Variants in ABL2 observed in about 807,000 individuals in gnomAD.
ABL2 encodes the protein tyrosine-protein kinase ABL2.
ABL2 carries 49 observed loss-of-function variants against 107.7 expected under a neutral mutation model. That is an observed-to-expected ratio of 0.45 (90% confidence interval 0.36 to 0.58). ABL2 has a LOEUF of 0.58. ABL2 is among the 20% of genes least tolerant of loss of function. The pLI is 0.00. For missense variants in ABL2, 1,245 were observed against 1,457.0 expected (o/e 0.85, Z 2.37); for synonymous variants, 549 against 548.6 (o/e 1.00, Z -0.01).
intron 1 of ABL2, chr1:179,143,220 T>C: frequency 2.4e-6 from 2 of 818,172 alleles, no homozygotes; most frequent in Non-Finnish European, 3.4e-6. Flanking sequence ...GAGAGTGACC[T>C]AAAGGAAAAT....
At chr1:179,174,430 G>T (rs751711861) in intron 1 of ABL2, among the ~76,000 whole-genome samples, 42 of 151,384 alleles carry the variant, frequency 2.8e-4, no homozygotes, top group Admixed American at 1.7e-3. Context: ...CCAACATGGA[G>T]AAACTCCATC....
At chr1:179,118,857 C>T in intron 6 of ABL2, 93 bp from the exon 7 acceptor site, 1 of 1,349,666 alleles carries the variant, frequency 7.4e-7, no homozygotes, top group Non-Finnish European at 1.0e-6. Flanking sequence ...TTTTTCAGGT[C>T]TAGTTCGGCA....
chr1:179,135,424 C>T (rs1260471647), intron 1 of ABL2, among the ~76,000 whole-genome samples: 8 of 151,414 alleles, frequency 5.3e-5, no homozygotes, highest in African/African-American at 1.7e-4. Context: ...CCGGCCGCCC[C>T]GTCTGAGAAG....
At chr1:179,211,289 G>A (rs2793806) in intron 1 of ABL2, among the ~76,000 whole-genome samples, 45,798 of 151,936 alleles carry the variant, frequency 0.3, 7,798 homozygotes, top group East Asian at 0.43. Context: ...AGGCTGAGGC[G>A]GGAGAATTGC....
intron 1 of ABL2, among the ~76,000 whole-genome samples, chr1:179,202,550 A>G (rs2102848907): frequency 6.6e-6 from 1 of 152,344 alleles, no homozygotes; most frequent in African/African-American, 2.4e-5. Context: ...CTGTATACAA[A>G]TGTGTACTTC....
At chr1:179,132,849 T>TC (rs1224264814) in intron 2 of ABL2, among the ~76,000 whole-genome samples, 2 of 141,720 alleles carry the variant, frequency 1.4e-5, no homozygotes, top group Non-Finnish European at 3.0e-5. Context: ...GCTGACTTAT[T>TC]CCCCGTCCGC....
At chr1:179,228,363 A>G (rs1383368676) in intron 1 of ABL2, among the ~76,000 whole-genome samples, 4 of 152,070 alleles carry the variant, frequency 2.6e-5, no homozygotes, top group Non-Finnish European at 5.9e-5. Flanking sequence ...AACAAAAACA[A>G]AAACAAAACA....
chr1:179,133,394 A>G lies in ABL2; in HGVS notation c.158-20T>C. 1.2e-6 allele frequency: 2 copies of G among 1,614,084 alleles called. No individual in the cohort carries two copies. Among genetic ancestry groups the G allele is most frequent in the South Asian group, 2.2e-5 (2 of 91,076 alleles). On this transcript the variant is annotated intron_variant, in intron 1 of 11. Transcript: ENST00000502732. ...AGTGATCTATTTAAGAAAAAAATTG[A>G]CCACGTCACTTTTCTTAAGCTTCTT...
chr1:179,226,164 C>A (rs1266738965), intron 1 of ABL2, among the ~76,000 whole-genome samples: 5 of 150,554 alleles, frequency 3.3e-5, no homozygotes, highest in Non-Finnish European at 7.4e-5. Context: ...TTGCTAATTC[C>A]TTTCTTTTCA....
rs35138436 is a variant in ABL2, at chr1:179,176,702, C to CTTTTTTTTTTTTTTTTTTTT, written c.158-43329_158-43328insAAAAAAAAAAAAAAAAAAAA. On this transcript the variant is annotated intron_variant, in intron 1 of 11. Transcript: ENST00000502732. ...TTTGTTTTTAGTGTTGTTACATATT[C>CTTTTTTTTTTTTTTTTTTTT]TTTTTTTTTTCCAGACAGATTCTCA... is the stretch of plus-strand genomic sequence containing the variant. Among the ~76,000 whole-genome samples, 27 of 107,282 alleles carry CTTTTTTTTTTTTTTTTTTTT rather than the reference C, an allele frequency of 2.5e-4. 2 individuals carry two copies. Among genetic ancestry groups the CTTTTTTTTTTTTTTTTTTTT allele is most frequent in the East Asian group, 5.9e-4 (2 of 3,382 alleles). 70.4% of individuals were successfully genotyped at this position (107,282 alleles called of 152,430 possible). A position where few individuals can be genotyped will look rare whatever the true frequency, so the allele number is the denominator to read the frequency against.
chr1:179,122,204 G>A (rs893835963), intron 4 of ABL2, among the ~76,000 whole-genome samples: 26 of 148,386 alleles, frequency 1.8e-4, no homozygotes, highest in Non-Finnish European at 1.8e-4. Flanking sequence ...ATGAGCCACC[G>A]CTCCCGGCCT....
chr1:179,129,495 A>T (rs1218282010), intron 3 of ABL2, among the ~76,000 whole-genome samples: 1 of 152,150 alleles, frequency 6.6e-6, no homozygotes, highest in Non-Finnish European at 1.5e-5. Context: ...ATCCTGACCA[A>T]CATGGGTGAA....
In ABL2 at chr1:179,169,441, G is replaced by A. The variant is rs570523842; in HGVS notation, c.158-36067C>T. 5.3e-5 allele frequency among the ~76,000 whole-genome samples: 8 copies of A among 151,976 alleles called. No individual in the cohort carries two copies. The South Asian group carries it at 1.2e-3, about 24-fold the overall frequency. ...CGGGCACCTGTAGTCCCAGCTACTC[G>A]GGAGGCTGAGGCAGGAGAATAGCAT... On this transcript the variant is annotated intron_variant, in intron 1 of 11. Coordinates refer to ENST00000502732, the MANE Select transcript of ABL2 (RefSeq NM_007314.4).
intron 1 of ABL2, among the ~76,000 whole-genome samples, chr1:179,191,530 C>T (rs112353438): frequency 2.8e-5 from 4 of 144,394 alleles, no homozygotes; most frequent in Non-Finnish European, 4.5e-5. Context: ...AAGCGATTCT[C>T]TTGCCTCATC....
rs1016942792 is a variant in ABL2 at position 179,109,877 on chromosome 1, G to A, written c.1825+405C>T. 4.7e-5 allele frequency among the ~76,000 whole-genome samples: 7 copies of A among 150,160 alleles called. No homozygotes were observed. In the South Asian group the frequency reaches 6.3e-4, roughly 14 times the overall value. The stretch of plus-strand genomic sequence containing the variant: ...CAGAAGGCGGAGCTTGCAGTGAGCC[G>A]AGATCGCACCACTGTACTCCAGCCT... On this transcript the variant is annotated intron_variant, in intron 11 of 11. Coordinates refer to ENST00000502732, the MANE Select transcript of ABL2 (RefSeq NM_007314.4).
chr1:179,162,533 C>T (rs111709352), intron 1 of ABL2, among the ~76,000 whole-genome samples: 59 of 151,936 alleles, frequency 3.9e-4, no homozygotes, highest in African/African-American at 1.3e-3. Flanking sequence ...TGCAGTGAGC[C>T]GAGATCAAGC....
At chr1:179,109,744 C>T (rs1335103380) in intron 11 of ABL2, among the ~76,000 whole-genome samples, 4 of 151,912 alleles carry the variant, frequency 2.6e-5, no homozygotes, top group African/African-American at 4.8e-5. Context: ...CTGGCTAACA[C>T]GATGAAACCC....
chr1:179,157,227 A>T (rs780304133), intron 1 of ABL2, among the ~76,000 whole-genome samples: 5 of 152,162 alleles, frequency 3.3e-5, no homozygotes, highest in Non-Finnish European at 7.3e-5. Context: ...GTCTGGGCAC[A>T]GTCACACCTA....
chr1:179,160,840 A>G (rs1659019685), intron 1 of ABL2, among the ~76,000 whole-genome samples: 1 of 152,188 alleles, frequency 6.6e-6, no homozygotes, highest in Non-Finnish European at 1.5e-5. Context: ...AACAGCCATT[A>G]AGAAAATACA....
Sources: gnomAD v4.1 joint callset for allele counts (sites outside exome capture counted in the v4.1 genomes callset) on GRCh38, gnomAD v4.1.1 for gene constraint, MANE v1.5 for transcripts, NCBI Gene and HGNC (gene_info 2026-07-23, HGNC 2026-07-21) for gene names.